CMSS1: variants seen among roughly 807,000 people sequenced by gnomAD.
CMSS1 encodes cms1 ribosomal small subunit homolog, also known as protein CMSS1.
CMSS1 carries 33 observed loss-of-function variants against 43.5 expected under a neutral mutation model. The observed-to-expected ratio is 0.76, with a 90% CI of 0.57 to 1.01. The LOEUF is 1.01. Among genes scored for constraint, CMSS1 ranks in the 50% least tolerant of loss-of-function variants. CMSS1 has a pLI of 0.00. For missense variants in CMSS1, 313 were observed against 326.4 expected (o/e 0.96, Z 0.32); for synonymous variants, 115 against 117.2 (o/e 0.98, Z 0.12).
rs367846393 is a variant in CMSS1 at position 99,984,048 on chromosome 3, A to ATGTGTGTGTGTGTG, written c.65-162922_65-162921insGTGTGTGTGTGTGT. Among the ~76,000 whole-genome samples the ATGTGTGTGTGTGTG allele has an allele frequency of 1.1e-3, 160 of 147,684 alleles. 2 individuals carry two copies. Among genetic ancestry groups the ATGTGTGTGTGTGTG allele is most frequent in the African/African-American group, 3.2e-3 (127 of 39,562 alleles). ...TTAATTAGCATGAAAAAGGATGTAT[A>ATGTGTGTGTGTGTG]TGTATGTGTGTTTGTGTGTGTGTGT... On this transcript the variant is annotated intron_variant, in intron 1 of 9. Coordinates refer to ENST00000421999, the MANE Select transcript of CMSS1 (RefSeq NM_032359.4).
intron 1 of CMSS1, among the ~76,000 whole-genome samples, chr3:100,131,138 A>G (rs991862844): frequency 2.0e-5 from 3 of 152,206 alleles, no homozygotes; most frequent in African/African-American, 7.2e-5. Context: ...TAACAACCCT[A>G]TGAAGTAGGT....
intron 1 of CMSS1, among the ~76,000 whole-genome samples, chr3:100,053,238 A>C (rs2065403882): frequency 6.6e-6 from 1 of 152,190 alleles, no homozygotes; most frequent in Admixed American, 6.5e-5. Context: ...AGATTACCAC[A>C]AATTGGGTGA....
At chr3:99,946,017 T>C (rs181215142) in intron 1 of CMSS1, among the ~76,000 whole-genome samples, 167 of 152,350 alleles carry the variant, frequency 1.1e-3, no homozygotes, top group Non-Finnish European at 1.9e-3. Context: ...TTGGTAGATG[T>C]ATTTCTAGTA....
In CMSS1 at chr3:99,833,238, A is replaced by G. The variant is rs369682057; in HGVS notation, c.64+15195A>G. The G allele has an allele frequency of 1.9e-4, 303 of 1,612,316 alleles. 1 individual carries two copies. The highest frequency in any genetic ancestry group is 2.4e-4 in the Non-Finnish European group (285 of 1,178,710). ...AAAAGTCTGAAGGATGTTGAGTTCA[A>G]TGAGGCAGAAGAAGTGGTTCCACCT... is the stretch of plus-strand genomic sequence containing the variant. On this transcript the variant is annotated intron_variant, in intron 1 of 9. Transcript: ENST00000421999.
At chr3:99,965,242 A>T (rs1036203316) in intron 1 of CMSS1, among the ~76,000 whole-genome samples, 2 of 152,210 alleles carry the variant, frequency 1.3e-5, no homozygotes, top group Non-Finnish European at 2.9e-5. Context: ...TTTTCCTTTG[A>T]GTCCAAGTGG....
chr3:99,882,728 G>A (rs912997912), intron 1 of CMSS1, among the ~76,000 whole-genome samples: 8 of 152,134 alleles, frequency 5.3e-5, no homozygotes, highest in African/African-American at 1.9e-4. Flanking sequence ...GGCACAAACA[G>A]TGTGATTAGT....
At chr3:99,928,757 C>T (rs1707377901) in intron 1 of CMSS1, among the ~76,000 whole-genome samples, 1 of 152,146 alleles carries the variant, frequency 6.6e-6, no homozygotes, top group African/African-American at 2.4e-5. Context: ...GAATTTGTGC[C>T]TGACACTGTT....
At chr3:100,074,880 G>C (rs1454138049) in intron 1 of CMSS1, among the ~76,000 whole-genome samples, 3 of 151,276 alleles carry the variant, frequency 2.0e-5, no homozygotes, top group Non-Finnish European at 4.4e-5. Context: ...TTTTAATAGA[G>C]ACAGGGTTTC....
intron 1 of CMSS1, among the ~76,000 whole-genome samples, chr3:100,036,869 G>A (rs918488308): frequency 5.9e-5 from 9 of 152,150 alleles, no homozygotes; most frequent in Non-Finnish European, 8.8e-5. Flanking sequence ...TACGCAGTGA[G>A]AAAGATACGT....
At chr3:99,916,708 T>C (rs570117672) in intron 1 of CMSS1, among the ~76,000 whole-genome samples, 170 of 152,316 alleles carry the variant, frequency 1.1e-3, no homozygotes, top group African/African-American at 3.8e-3. Context: ...GATGAGAGGA[T>C]GGGACCATGC....
Position 100,142,275 on chromosome 3 carries a change from A to T in CMSS1, c.65-4698A>T, listed in dbSNP as rs189582141. On this transcript the variant is annotated intron_variant, in intron 1 of 9. Coordinates refer to ENST00000421999, the MANE Select transcript of CMSS1 (RefSeq NM_032359.4). ...ATATCCATGGGCTCCACATATGTAG[A>T]TTTCACCAACCACAGATCAAAAATA... is the stretch of plus-strand genomic sequence containing the variant. 8.0e-4 allele frequency among the ~76,000 whole-genome samples: 122 copies of T among 152,280 alleles called. 1 individual carries two copies. Among genetic ancestry groups the T allele is most frequent in the African/African-American group, 2.7e-3 (113 of 41,558 alleles).
At chr3:99,988,359 A>C (rs1250863801) in intron 1 of CMSS1, among the ~76,000 whole-genome samples, 30 of 150,180 alleles carry the variant, frequency 2.0e-4, no homozygotes, top group Non-Finnish European at 4.2e-4. Context: ...AAAAAAAAAA[A>C]AAAATTAGCC....
chr3:99,918,814 T>G (rs1576572403), intron 1 of CMSS1, among the ~76,000 whole-genome samples: 2 of 152,216 alleles, frequency 1.3e-5, no homozygotes, highest in East Asian at 3.8e-4. Flanking sequence ...ACAAAATATT[T>G]GTTTGCAGTG....
At chr3:99,937,191 G>T (rs933422874) in intron 1 of CMSS1, among the ~76,000 whole-genome samples, 1 of 152,130 alleles carries the variant, frequency 6.6e-6, no homozygotes, top group African/African-American at 2.4e-5. Context: ...ACCCGCCTCA[G>T]CCTCCCAAAG....
At chr3:99,999,319 T>C (rs1293694800) in intron 1 of CMSS1, among the ~76,000 whole-genome samples, 2 of 152,224 alleles carry the variant, frequency 1.3e-5, no homozygotes, top group East Asian at 3.8e-4. Context: ...TTACTGTGTT[T>C]CTCTCCCACT....
At chr3:99,893,842 C>T (rs1026689656) in intron 1 of CMSS1, among the ~76,000 whole-genome samples, 1 of 152,162 alleles carries the variant, frequency 6.6e-6, no homozygotes, top group East Asian at 1.9e-4. Context: ...GGTTTTACTT[C>T]CCTCCACCCC....
intron 1 of CMSS1, among the ~76,000 whole-genome samples, chr3:100,030,990 C>T (rs1048608968): frequency 1.3e-5 from 2 of 152,114 alleles, no homozygotes; most frequent in South Asian, 2.1e-4. Context: ...ATATTTACCA[C>T]CTGATAATAT....
intron 1 of CMSS1, among the ~76,000 whole-genome samples, chr3:99,914,706 CACA>C (rs1190973450): frequency 1.3e-5 from 2 of 152,132 alleles, no homozygotes; most frequent in Non-Finnish European, 2.9e-5. Flanking sequence ...TTAGCAATTT[CACA>C]TATAAGAATT....
At position 99,850,888 on chromosome 3, in the gene CMSS1, A is replaced by C. The variant is rs747057887; in HGVS notation, c.64+32845A>C. ...ATGTGTTTCCTTTGCATTTGTGGTC[A>C]GCTCTTGGATTTTCTGTCTTTGAAG... On this transcript the variant is annotated intron_variant, in intron 1 of 9. Transcript: ENST00000421999. 1.9e-6 allele frequency: 3 copies of C among 1,614,016 alleles called. No individual in the cohort carries two copies. In the African/African-American group the frequency reaches 4.0e-5, roughly 22 times the overall value.
Sources: allele counts gnomAD v4.1 joint callset (sites outside exome capture counted in the v4.1 genomes callset), GRCh38; gene constraint gnomAD v4.1.1; transcripts MANE v1.5; gene names NCBI Gene and HGNC (gene_info 2026-07-23, HGNC 2026-07-21).